Variants in WDFY3 observed in about 807,000 individuals in gnomAD.
WDFY3 encodes the protein WD repeat and FYVE domain containing 3.
WDFY3 carries 66 observed loss-of-function variants against 409.6 expected under a neutral mutation model. That is an observed-to-expected ratio of 0.16 (90% confidence interval 0.13 to 0.20). WDFY3 has a LOEUF of 0.20. Among genes scored for constraint, WDFY3 ranks in the 10% least tolerant of loss-of-function variants. The probability of loss-of-function intolerance (pLI) is 1.00; values close to 1 mark genes in which losing one functional copy is unlikely to be tolerated. For synonymous variants in WDFY3, 1,521 were observed against 1,537.1 expected, an observed-to-expected ratio of 0.99 and a Z score of 0.25; for missense variants, 3,031 against 4,298.1, an observed-to-expected ratio of 0.71 and a Z score of 8.24.
intron 2 of WDFY3, among the ~76,000 whole-genome samples, chr4:84,905,337 A>G (rs942447227): frequency 6.6e-6 from 1 of 152,134 alleles, no homozygotes. Context: ...CTCTATCTCA[A>G]TTAAAAATAA....
At chr4:84,894,047 T>TA (rs1395571884) in intron 3 of WDFY3, among the ~76,000 whole-genome samples, 2 of 151,768 alleles carry the variant, frequency 1.3e-5, no homozygotes, top group East Asian at 3.9e-4. Flanking sequence ...AAATGTACAT[T>TA]AAAGACTCTA....
At chr4:84,780,363 C>T (rs1446949825) in intron 25 of WDFY3, 65 bp from the exon 26 acceptor site, 5 of 1,426,312 alleles carry the variant, frequency 3.5e-6, no homozygotes, top group Non-Finnish European at 4.7e-6. Context: ...CTGTATACAT[C>T]ATCTTGAAAA....
At chr4:84,965,326 C>T (rs1288366818) in intron 1 of WDFY3, among the ~76,000 whole-genome samples, 1 of 152,172 alleles carries the variant, frequency 6.6e-6, no homozygotes, top group Non-Finnish European at 1.5e-5. Flanking sequence ...AATAGTTTTT[C>T]GTATGCATGA....
intron 2 of WDFY3, among the ~76,000 whole-genome samples, chr4:84,914,927 GGT>G (rs1234724215): frequency 1.2e-4 from 18 of 152,262 alleles, no homozygotes; most frequent in Admixed American, 1.1e-3. Flanking sequence ...TAATGACTCA[GGT>G]GTGTGTAAAC....
intron 42 of WDFY3, 53 bp from the exon 43 acceptor site, chr4:84,735,173 A>C: frequency 6.7e-7 from 1 of 1,490,130 alleles, no homozygotes; most frequent in Non-Finnish European, 9.2e-7. Flanking sequence ...CTGGAAAAAA[A>C]TAGTTAATTA....
chr4:84,863,343 A>G (rs543473456), intron 3 of WDFY3, among the ~76,000 whole-genome samples: 1 of 152,216 alleles, frequency 6.6e-6, no homozygotes, highest in Admixed American at 6.5e-5. Context: ...TCCCACCAAC[A>G]GTGTACAAGA....
chr4:84,717,209 T>A (rs1734085233), intron 48 of WDFY3, among the ~76,000 whole-genome samples, 193 bp from the exon 49 acceptor site: 1 of 152,150 alleles, frequency 6.6e-6, no homozygotes, highest in African/African-American at 2.4e-5. Context: ...CTTTGATGAA[T>A]ATAATTTTAA....
Position 84,798,110 on chromosome 4 carries a change from TAAGA to T in WDFY3, c.2823-6_2823-3del. 6.2e-7 allele frequency: 1 copy of T among 1,607,042 alleles called. No homozygotes were observed. The highest frequency in any genetic ancestry group is 8.5e-7 in the Non-Finnish European group (1 of 1,177,184). Reference sequence around the variant, plus strand: ...GGACTTGCCAAACGTAAAAACTCCCTAAGAAAGAGACAAAGCAAAGTTATTCCTT... The same window carrying T: ...GGACTTGCCAAACGTAAAAACTCCCTAAGAGACAAAGCAAAGTTATTCCTT... On this transcript the variant is annotated splice_region_variant and splice_polypyrimidine_tract_variant and intron_variant, in intron 17 of 67. Coordinates refer to ENST00000295888, the MANE Select transcript of WDFY3 (RefSeq NM_014991.6).
intron 1 of WDFY3, among the ~76,000 whole-genome samples, chr4:84,943,965 A>C (rs1222183414): frequency 6.6e-6 from 1 of 152,202 alleles, no homozygotes; most frequent in African/African-American, 2.4e-5. Flanking sequence ...ATTCCAGATT[A>C]GGATATATGG....
At chr4:84,927,675 G>C (rs1034631139) in intron 2 of WDFY3, among the ~76,000 whole-genome samples, 3 of 152,134 alleles carry the variant, frequency 2.0e-5, no homozygotes, top group African/African-American at 7.2e-5. Context: ...CAGGGGATCT[G>C]ATGGTTTTAT....
In WDFY3 at chr4:84,932,621, A is replaced by G. The variant is rs540897376; in HGVS notation, c.-225-258T>C. On this transcript the variant is annotated intron_variant, in intron 1 of 67. Coordinates refer to ENST00000295888, the MANE Select transcript of WDFY3 (RefSeq NM_014991.6). ...TGATAAGGAAACTTTGACCTGGAGAAATTATGCAAAGAATCAATGACAACA... is the reference window on the plus strand; with the variant it reads ...TGATAAGGAAACTTTGACCTGGAGAGATTATGCAAAGAATCAATGACAACA... Among the ~76,000 whole-genome samples, 9 of 152,306 alleles carry G rather than the reference A, an allele frequency of 5.9e-5. 1 individual carries two copies. In the South Asian group the frequency reaches 1.9e-3, roughly 32 times the overall value.
chr4:84,870,701 C>T (rs1762024305), intron 3 of WDFY3, among the ~76,000 whole-genome samples: 1 of 152,006 alleles, frequency 6.6e-6, no homozygotes, highest in Admixed American at 6.6e-5. Context: ...CCACTCCAGC[C>T]CCTTTGCCTT....
intron 1 of WDFY3, among the ~76,000 whole-genome samples, chr4:84,951,924 T>C (rs1773663883): frequency 6.6e-6 from 1 of 152,214 alleles, no homozygotes; most frequent in East Asian, 1.9e-4. Context: ...AAGTAGTTCA[T>C]TTTTGATGAA....
chr4:84,945,112 A>C (rs866203318), intron 1 of WDFY3, among the ~76,000 whole-genome samples: 26 of 152,188 alleles, frequency 1.7e-4, no homozygotes, highest in African/African-American at 5.3e-4. Context: ...AAAGCCTCTT[A>C]GTAATTGAGT....
rs1248747264 is a variant in WDFY3, at chr4:84,783,071, C to G, written c.4066G>C (p.Gly1356Arg). The change falls in exon 25 of 68, where the codon GGC becomes CGC. Residue 1356 changes from glycine (G) to arginine (R), a missense_variant. By Grantham distance (125) the Gly-to-Arg change is moderately radical (BLOSUM62 -2). This residue lies in a region of WDFY3 where 1,322 missense variants were observed against 1,697.9 expected (regional missense o/e 0.78). Coordinates refer to ENST00000295888, the MANE Select transcript of WDFY3 (RefSeq NM_014991.6). ...GTGGCATTCTCATGTGAGGAAATGC[C>G]TAACTGAAAAATAGGAAAGGAAAAG... The part of the protein sequence containing the change: ...LDSKAIAKQL[G>R]ISSHENATPV... 6.2e-7 allele frequency: 1 copy of G among 1,612,104 alleles called. No homozygotes were observed. The highest frequency in any genetic ancestry group is 8.5e-7 in the Non-Finnish European group (1 of 1,179,238).
rs553839071 is a variant in WDFY3 at position 84,767,528 on chromosome 4, C to G, written c.4850-1156G>C. Among the ~76,000 whole-genome samples the G allele has an allele frequency of 1.5e-4, 23 of 152,070 alleles. No homozygotes were observed. The South Asian group carries it at 4.6e-3, about 30-fold the overall frequency. ...GTTGAAAGATCAGACAAGCCCAAAG[C>G]TGGCCTCTTGTGCTAAAAAGTTAGC... On this transcript the variant is annotated intron_variant, in intron 30 of 67. Transcript: ENST00000295888.
At chr4:84,682,000 C>A (rs941320201) in intron 64 of WDFY3, among the ~76,000 whole-genome samples, 1 of 152,236 alleles carries the variant, frequency 6.6e-6, no homozygotes, top group Non-Finnish European at 1.5e-5. Context: ...GAGCCAGCCC[C>A]ATGGTGGGCA....
At chr4:84,741,446 C>T (rs1422808661) in intron 38 of WDFY3, among the ~76,000 whole-genome samples, 1 of 151,836 alleles carries the variant, frequency 6.6e-6, no homozygotes, top group Non-Finnish European at 1.5e-5. Context: ...TCCCAAGTAG[C>T]TGGAATTACA....
chr4:84,887,502 C>T (rs1764393220), intron 3 of WDFY3, among the ~76,000 whole-genome samples: 1 of 152,164 alleles, frequency 6.6e-6, no homozygotes, highest in East Asian at 1.9e-4. Context: ...TAATTAGCAG[C>T]TCAGGCTGGA....
Sources: gnomAD v4.1 joint callset for allele counts (sites outside exome capture counted in the v4.1 genomes callset) on GRCh38, gnomAD v4.1.1 for gene constraint, gnomAD v4.1.1 regional missense constraint, MANE v1.5 for transcripts, NCBI Gene and HGNC (gene_info 2026-07-23, HGNC 2026-07-21) for gene names.